MCFD2: variants seen among roughly 807,000 people sequenced by gnomAD.
The protein encoded by MCFD2 is multiple coagulation factor deficiency 2, ER cargo receptor complex subunit, also known as multiple coagulation factor deficiency protein 2.
A neutral mutation model predicts 12.8 loss-of-function variants in MCFD2; 11 were observed. The ratio of observed to expected loss-of-function variants is 0.86; its 90% CI spans 0.54 to 1.42. The LOEUF (loss-of-function observed/expected upper bound fraction) is 1.42. MCFD2 is among the 40% of genes most tolerant of loss of function. The pLI is 0.00. For synonymous variants in MCFD2, 70 were observed against 68.1 expected, an observed-to-expected ratio of 1.03 and a Z score of -0.14; for missense variants, 191 against 178.6, an observed-to-expected ratio of 1.07 and a Z score of -0.40.
intron 1 of MCFD2, among the ~76,000 whole-genome samples, chr2:46,910,297 G>C (rs1353555753): frequency 6.6e-6 from 1 of 152,188 alleles, no homozygotes; most frequent in Non-Finnish European, 1.5e-5. Context: ...GTCTGTCCTA[G>C]GGCTGACAGA....
chr2:46,938,223 C>T (rs1572662114), intron 1 of MCFD2, among the ~76,000 whole-genome samples: 1 of 152,096 alleles, frequency 6.6e-6, no homozygotes, highest in East Asian at 1.9e-4. Context: ...GTTCAATTTC[C>T]CACTCAGCCT....
intron 1 of MCFD2, among the ~76,000 whole-genome samples, chr2:46,923,042 T>C (rs953826724): frequency 6.6e-6 from 1 of 152,152 alleles, no homozygotes; most frequent in Non-Finnish European, 1.5e-5. Context: ...ATACATAGGG[T>C]GAGGTCTGGA....
rs1282168352 is a variant in MCFD2 at position 46,908,920 on chromosome 2, T to A, written c.149+103A>T. On this transcript the variant is annotated intron_variant, in intron 2 of 3. Transcript: ENST00000319466. The surrounding 1 kb of genome is among the most constrained non-coding windows in gnomAD (Gnocchi z 4.5). The stretch of plus-strand genomic sequence containing the variant: ...ATCCTTGAAGAATGTCAAGGAGCCA[T>A]AGAAACAGGAAGAAGGAAAGGAGGA... 1 of 1,438,148 alleles carries A rather than the reference T, an allele frequency of 7.0e-7. No homozygotes were observed. The highest frequency in any genetic ancestry group is 2.3e-5 in the East Asian group (1 of 44,084). The allele number at this position is 1,438,148 out of a possible 1,614,324, so 89.1% of individuals were successfully genotyped here.
intron 3 of MCFD2, among the ~76,000 whole-genome samples, chr2:46,906,440 AGAAGGG>A (rs1037996794): frequency 2.7e-4 from 40 of 150,458 alleles, no homozygotes; most frequent in African/African-American, 9.1e-4. Context: ...GCAGTGTGGC[AGAAGGG>A]GAATGACATT....
Position 46,909,102 on chromosome 2 carries a change from C to G in MCFD2, c.70G>C (p.Ala24Pro), listed in dbSNP as rs747338625. The G allele has an allele frequency of 6.2e-7, 1 of 1,614,208 alleles. No homozygotes were observed. Among genetic ancestry groups the G allele is most frequent in the Admixed American group, 1.7e-5 (1 of 60,032 alleles). The change falls in exon 2 of 4, where the codon GCC (alanine) becomes CCC (proline). Residue 24 changes from alanine to proline, a missense_variant. Transcript: ENST00000319466. ...CTGGCTGCAGGCTCCTCAGCCCTGG[C>G]GCCTGGGGCACAAAAGGCCCAGAGC... ...GLLWAFCAPG[A>P]RAEEPAASFS...
Position 46,941,013 on chromosome 2 carries a change from G to A in MCFD2, c.-8+559C>T, listed in dbSNP as rs1349918082. 6.6e-6 allele frequency among the ~76,000 whole-genome samples: 1 copy of A among 151,898 alleles called. No homozygotes were observed. Among genetic ancestry groups the A allele is most frequent in the East Asian group, 1.9e-4 (1 of 5,146 alleles). ...CCCCCGGGCGCCGGGGCTCCGCGCG[G>A]GATTAAAGTGAGCTCCGACTCCGCG... On this transcript the variant is annotated intron_variant, in intron 1 of 2. Transcript: ENST00000409147. This position sits in a 1 kb window ranked among gnomAD's most constrained non-coding sequence, Gnocchi z 4.2.
At chr2:46,921,350 A>G (rs1047303443) in intron 1 of MCFD2, among the ~76,000 whole-genome samples, 3 of 152,234 alleles carry the variant, frequency 2.0e-5, no homozygotes, top group Non-Finnish European at 4.4e-5. Flanking sequence ...TGGTATGTCT[A>G]TATATGAGCA....
intron 1 of MCFD2, among the ~76,000 whole-genome samples, chr2:46,922,554 A>AG (rs34111570): frequency 1.2e-4 from 19 of 152,080 alleles, no homozygotes; most frequent in East Asian, 7.7e-4. Context: ...TCCCCAGTCA[A>AG]GGGGGCAAGG....
At chr2:46,928,989 T>C (rs1042955562) in intron 1 of MCFD2, among the ~76,000 whole-genome samples, 34 of 151,186 alleles carry the variant, frequency 2.2e-4, no homozygotes, top group Non-Finnish European at 4.6e-4. Context: ...ATGGCAAAAC[T>C]CTGTCTCTAC....
intron 1 of MCFD2, 149 bp from the exon 2 acceptor site, chr2:46,909,326 T>C: frequency 1.0e-6 from 1 of 969,008 alleles, no homozygotes. Flanking sequence ...CAGCTCTGCT[T>C]TGAGACTGTG....
upstream of MCFD2, among the ~76,000 whole-genome samples, chr2:46,920,066 C>T (rs1426141786): frequency 6.6e-6 from 1 of 152,186 alleles, no homozygotes; most frequent in Non-Finnish European, 1.5e-5. Context: ...TGGCCATCTG[C>T]ATTTGATGAC....
chr2:46,941,750 G>A lies in MCFD2; in HGVS notation c.-186C>T. 3 of 1,547,224 alleles carry A rather than the reference G, an allele frequency of 1.9e-6. No homozygotes were observed. The highest frequency in any genetic ancestry group is 2.6e-6 in the Non-Finnish European group (3 of 1,145,676). On this transcript the variant is annotated 5_prime_UTR_variant, in exon 1 of 3. Transcript: ENST00000409147. This position sits in a 1 kb window ranked among gnomAD's most constrained non-coding sequence, Gnocchi z 4.2. ...GGTGAGTAAGGGAAGAGGCTGGCTCGCCGGCAGCGAGCGCGCGAAACGCAC... is the reference window on the plus strand; with the variant it reads ...GGTGAGTAAGGGAAGAGGCTGGCTCACCGGCAGCGAGCGCGCGAAACGCAC...
At chr2:46,931,793 G>A (rs1019768617) in intron 1 of MCFD2, among the ~76,000 whole-genome samples, 29 of 152,252 alleles carry the variant, frequency 1.9e-4, no homozygotes, top group African/African-American at 6.3e-4. Flanking sequence ...CCAACACCTT[G>A]ATTTAGTTCA....
intron 1 of MCFD2, among the ~76,000 whole-genome samples, chr2:46,929,400 C>G (rs544992285): frequency 3.9e-5 from 6 of 152,214 alleles, no homozygotes; most frequent in African/African-American, 1.4e-4. Flanking sequence ...GGCAGGATTG[C>G]TTGAGCCCAG....
chr2:46,901,975 AC>A lies in MCFD2; in HGVS notation c.*3487del, dbSNP rs1668031773. On this transcript the variant is annotated 3_prime_UTR_variant, in exon 4 of 4. Coordinates refer to ENST00000319466, the MANE Select transcript of MCFD2 (RefSeq NM_139279.6). This position sits in a 1 kb window ranked among gnomAD's most constrained non-coding sequence, Gnocchi z 4.3. ...AAGAATAGTTTACAAGTCAGCTCTG[AC>A]TGCACAAATACTTGACACAGGAAAC... 6.5e-6 allele frequency: 1 copy of A among 152,692 alleles called. No homozygotes were observed. Among genetic ancestry groups the A allele is most frequent in the Non-Finnish European group, 1.5e-5 (1 of 68,046 alleles). The allele number at this position is 152,692 out of a possible 1,614,324, so 9.5% of individuals were successfully genotyped here.
At chr2:46,905,713 AAAGG>A in intron 3 of MCFD2, 119 bp from the exon 4 acceptor site, 1 of 1,101,026 alleles carries the variant, frequency 9.1e-7, no homozygotes. Context: ...AAAAAAAAAA[AAAGG>A]AAAAACAAAA....
At chr2:46,930,362 C>G (rs1669626698) in intron 1 of MCFD2, among the ~76,000 whole-genome samples, 1 of 149,454 alleles carries the variant, frequency 6.7e-6, no homozygotes, top group South Asian at 2.1e-4. Context: ...TCTACGAACA[C>G]TTAAAAGATA....
intron 1 of MCFD2, among the ~76,000 whole-genome samples, chr2:46,924,639 C>A (rs1480735836): frequency 6.8e-6 from 1 of 147,992 alleles, no homozygotes. Flanking sequence ...TTTTTTTTTT[C>A]CCCTGGAGAT....
chr2:46,941,668 G>A lies in MCFD2; in HGVS notation c.-104C>T. 1.9e-6 allele frequency: 3 copies of A among 1,551,780 alleles called. No individual in the cohort carries two copies. The highest frequency in any genetic ancestry group is 3.9e-5 in the Admixed American group (2 of 51,144). On this transcript the variant is annotated 5_prime_UTR_variant, in exon 1 of 3. Transcript: ENST00000409147. This position sits in a 1 kb window ranked among gnomAD's most constrained non-coding sequence, Gnocchi z 4.2. ...GCAGCTGCAGACGCTGAGCATGCCC[G>A]GCGGCGGAGGTAACAGGCGAGGCAG...
Sources: allele counts gnomAD v4.1 joint callset (sites outside exome capture counted in the v4.1 genomes callset), GRCh38; gene constraint gnomAD v4.1.1; non-coding constraint Gnocchi (gnomAD v3.1); transcripts MANE v1.5; gene names NCBI Gene and HGNC (gene_info 2026-07-23, HGNC 2026-07-21).